EMC3: variants seen among roughly 807,000 people sequenced by gnomAD.
EMC3 encodes the protein ER membrane protein complex subunit 3.
Under a neutral mutation model 36.6 loss-of-function variants are expected in EMC3, and 13 were observed. The ratio of observed to expected loss-of-function variants is 0.35; its 90% CI spans 0.23 to 0.56. EMC3 has a LOEUF of 0.56. EMC3 is among the 20% of genes least tolerant of loss of function. EMC3 has a pLI of 0.84. For missense variants in EMC3, 220 were observed against 324.5 expected (o/e 0.68, Z 2.47); for synonymous variants, 120 against 111.9 (o/e 1.07, Z -0.46).
chr3:10,001,405 CAAAAAAA>C (rs60785369), intron 1 of EMC3, among the ~76,000 whole-genome samples: 141 of 79,662 alleles, frequency 1.8e-3, no homozygotes, highest in East Asian at 0.014. Flanking sequence ...GCTAAAAATA[CAAAAAAA>C]AAAAAAAAAA....
At chr3:9,975,198 G>C (rs1309581410) in intron 3 of EMC3, among the ~76,000 whole-genome samples, 4 of 152,096 alleles carry the variant, frequency 2.6e-5, no homozygotes, top group African/African-American at 9.7e-5. Context: ...GGATTCCATG[G>C]TGTGGTCACA....
rs1553602259 is a variant in EMC3 at position 9,963,454 on chromosome 3, GATATATATAT to G, written c.*605_*614del. On this transcript the variant is annotated 3_prime_UTR_variant, in exon 8 of 8. Coordinates refer to ENST00000245046, the MANE Select transcript of EMC3 (RefSeq NM_001394674.1). Reference sequence around the variant, plus strand: ...CGAAGACTGGGCTTCTGCTAAGATAGATATATATATATATATATATATATTTTTTTTTTTT... The same window carrying G: ...CGAAGACTGGGCTTCTGCTAAGATAGATATATATATATATTTTTTTTTTTT... The G allele has an allele frequency of 1.0e-5, 1 of 99,716 alleles. No individual in the cohort carries two copies. The highest frequency in any genetic ancestry group is 4.2e-5 in the African/African-American group (1 of 23,734). 6.2% of individuals were successfully genotyped at this position (99,716 alleles called of 1,614,324 possible). A position where few individuals can be genotyped will look rare whatever the true frequency, so the allele number is the denominator to read the frequency against.
chr3:9,983,671 CA>C (rs201052393), intron 1 of EMC3, among the ~76,000 whole-genome samples: 24,749 of 139,954 alleles, frequency 0.18, 2,093 homozygotes, highest in South Asian at 0.22. Flanking sequence ...CTCTGGTCTC[CA>C]AAAAAAAAAA....
chr3:9,982,219 G>T (rs1002666628), intron 1 of EMC3, among the ~76,000 whole-genome samples: 1 of 150,928 alleles, frequency 6.6e-6, no homozygotes, highest in Non-Finnish European at 1.5e-5. Context: ...CAAAGTGCTG[G>T]GATTACAGGC....
upstream of EMC3, among the ~76,000 whole-genome samples, chr3:9,990,185 C>G (rs1164566903): frequency 6.7e-6 from 1 of 150,142 alleles, no homozygotes; most frequent in Non-Finnish European, 1.5e-5. Flanking sequence ...CCACCACGCC[C>G]GGCTAATTTT....
Position 9,969,750 on chromosome 3 carries a change from G to C in EMC3, c.626C>G (p.Ala209Gly), listed in dbSNP as rs1280291388. 1 of 1,614,036 alleles carries C rather than the reference G, an allele frequency of 6.2e-7. No homozygotes were observed. Among genetic ancestry groups the C allele is most frequent in the Non-Finnish European group, 8.5e-7 (1 of 1,180,028 alleles). The part of the protein sequence containing the change: ...MQEQMTGAAM[A>G]MPADTNKAFK... ...AGCTTTGTTTGTGTCTGCGGGCATG[G>C]CCATGGCTGCTCCCGTCATCTGCTC... Residue 209 changes from alanine to glycine, a missense_variant, in exon 7 of 8, where the codon GCC becomes GGC. Coordinates refer to ENST00000245046, the MANE Select transcript of EMC3 (RefSeq NM_001394674.1).
intron 3 of EMC3, among the ~76,000 whole-genome samples, chr3:9,976,691 G>T (rs2085853524): frequency 6.6e-6 from 1 of 152,120 alleles, no homozygotes. Flanking sequence ...GAGAGACCCA[G>T]GGACAATAGC....
chr3:9,977,106 T>C (rs961493676), intron 2 of EMC3, 56 bp from the exon 3 acceptor site: 2 of 1,337,540 alleles, frequency 1.5e-6, no homozygotes, highest in Non-Finnish European at 2.1e-6. Context: ...CAGCAAACTG[T>C]TAAATTACTC....
intron 1 of EMC3, among the ~76,000 whole-genome samples, chr3:10,002,002 A>G (rs571112032): frequency 6.6e-6 from 1 of 152,318 alleles, no homozygotes; most frequent in East Asian, 1.9e-4. Context: ...CCATCTTGAA[A>G]AAATACATAT....
intron 3 of EMC3, among the ~76,000 whole-genome samples, chr3:9,975,400 G>T (rs1446436984): frequency 6.6e-6 from 1 of 151,894 alleles, no homozygotes; most frequent in African/African-American, 2.4e-5. Context: ...TGTCAGCAAG[G>T]CCCCACCTCT....
At chr3:9,964,552 T>G (rs2085718871) in intron 7 of EMC3, among the ~76,000 whole-genome samples, 2 of 152,262 alleles carry the variant, frequency 1.3e-5, no homozygotes. Context: ...TGCCCCACAG[T>G]ACTCTTGAGA....
chr3:10,007,099 G>C (rs1239412096), intron 1 of EMC3: 1 of 312,566 alleles, frequency 3.2e-6, no homozygotes, highest in Non-Finnish European at 6.2e-6. Flanking sequence ...CCCTAGTTTA[G>C]GCGGCATGCA....
intron 5 of EMC3, 128 bp from the exon 6 acceptor site, chr3:9,970,789 C>T: frequency 1.3e-6 from 1 of 764,192 alleles, no homozygotes; most frequent in Non-Finnish European, 2.2e-6. Flanking sequence ...TATATTCATC[C>T]AAAGCACAAC....
chr3:9,965,182 G>A (rs2085724632), intron 7 of EMC3, among the ~76,000 whole-genome samples: 1 of 151,932 alleles, frequency 6.6e-6, no homozygotes, highest in Non-Finnish European at 1.5e-5. Flanking sequence ...CAAGGCAGGA[G>A]GATCACTTGA....
chr3:9,970,310 A>G (rs1477498738), intron 6 of EMC3, among the ~76,000 whole-genome samples: 3 of 152,204 alleles, frequency 2.0e-5, no homozygotes, highest in African/African-American at 7.2e-5. Context: ...TTAGGTTCAC[A>G]GGCTTACACT....
rs1642284 is a variant in EMC3 at position 9,963,477 on chromosome 3, A to ATTTTTTTTTT, written c.*582_*591dup. 2.2e-5 allele frequency: 2 copies of ATTTTTTTTTT among 88,906 alleles called. No homozygotes were observed. The highest frequency in any genetic ancestry group is 9.4e-5 in the African/African-American group (2 of 21,350). 5.5% of individuals were successfully genotyped at this position (88,906 alleles called of 1,614,324 possible). Reference sequence around the variant, plus strand: ...TAGATATATATATATATATATATATATTTTTTTTTTTTTTTCAGATGGAGT... The same window carrying ATTTTTTTTTT: ...TAGATATATATATATATATATATATATTTTTTTTTTTTTTTTTTTTTTTTTCAGATGGAGT... On this transcript the variant is annotated 3_prime_UTR_variant, in exon 8 of 8. Coordinates refer to ENST00000245046, the MANE Select transcript of EMC3 (RefSeq NM_001394674.1).
At chr3:10,008,080 T>C (rs2086283300) in intron 1 of EMC3, among the ~76,000 whole-genome samples, 1 of 152,172 alleles carries the variant, frequency 6.6e-6, no homozygotes, top group Non-Finnish European at 1.5e-5. Flanking sequence ...CCAATGCCAG[T>C]TTGTACCCCC....
At chr3:9,983,945 A>G (rs2085940371) in intron 1 of EMC3, among the ~76,000 whole-genome samples, 1 of 152,168 alleles carries the variant, frequency 6.6e-6, no homozygotes, top group Non-Finnish European at 1.5e-5. Context: ...AATTGTAAAA[A>G]TGGGTTAAGG....
chr3:10,007,050 G>A, intron 1 of EMC3: 1 of 296,450 alleles, frequency 3.4e-6, no homozygotes, highest in Non-Finnish European at 6.6e-6. Flanking sequence ...ACACTCTGCT[G>A]CTTTGCACCC....
Sources: allele counts gnomAD v4.1 joint callset (sites outside exome capture counted in the v4.1 genomes callset), GRCh38; gene constraint gnomAD v4.1.1; transcripts MANE v1.5; gene names NCBI Gene and HGNC (gene_info 2026-07-23, HGNC 2026-07-21).